SMYD2: variants seen among roughly 807,000 people sequenced by gnomAD.
SMYD2 encodes the protein N-lysine methyltransferase SMYD2.
Under a neutral mutation model 59.1 loss-of-function variants are expected in SMYD2, and 53 were observed. The ratio of observed to expected loss-of-function variants is 0.90; its 90% CI spans 0.72 to 1.13. SMYD2 has a LOEUF of 1.13. Among genes scored for constraint, SMYD2 ranks in the 50% most tolerant of loss-of-function variants. SMYD2 has a pLI of 0.00. For missense variants in SMYD2, 494 were observed against 544.7 expected (o/e 0.91, Z 0.93); for synonymous variants, 208 against 198.8 (o/e 1.05, Z -0.39).
chr1:214,300,562 T>C (rs917212422), intron 1 of SMYD2, among the ~76,000 whole-genome samples: 2 of 152,176 alleles, frequency 1.3e-5, no homozygotes, highest in Admixed American at 6.5e-5. Context: ...GCCGGGGCAT[T>C]ATGCAGACCA....
chr1:214,319,038 C>A, intron 5 of SMYD2, 55 bp downstream of exon 5: 2 of 1,591,094 alleles, frequency 1.3e-6, no homozygotes, highest in East Asian at 2.2e-5. Context: ...CTCCAAGGCC[C>A]TCTCCCTAGC....
intron 1 of SMYD2, among the ~76,000 whole-genome samples, chr1:214,293,131 C>A (rs1388546834): frequency 2.6e-5 from 4 of 151,888 alleles, no homozygotes; most frequent in African/African-American, 9.7e-5. Context: ...CTGCTCATTG[C>A]AACCTCCGCC....
chr1:214,295,690 C>G (rs537959502), intron 1 of SMYD2, among the ~76,000 whole-genome samples: 1 of 152,198 alleles, frequency 6.6e-6, no homozygotes, highest in Non-Finnish European at 1.5e-5. Context: ...AGAAGCCCCC[C>G]GCTGCACGTG....
chr1:214,328,065 ATTATCT>A (rs991968476), intron 7 of SMYD2, among the ~76,000 whole-genome samples: 1 of 152,160 alleles, frequency 6.6e-6, no homozygotes, highest in Admixed American at 6.6e-5. Context: ...CAAACTTTTG[ATTATCT>A]TTAGAGTCTC....
intron 3 of SMYD2, among the ~76,000 whole-genome samples, chr1:214,316,615 G>A (rs1187302219): frequency 1.3e-5 from 2 of 152,090 alleles, no homozygotes; most frequent in Non-Finnish European, 2.9e-5. Context: ...TGATTAGCAT[G>A]TATCTGTCCC....
chr1:214,304,737 A>G (rs1335095675), intron 1 of SMYD2, among the ~76,000 whole-genome samples: 1 of 152,172 alleles, frequency 6.6e-6, no homozygotes, highest in Non-Finnish European at 1.5e-5. Context: ...GAGTAGGTGC[A>G]CCCCAACACT....
At position 214,286,709 on chromosome 1, in the gene SMYD2, A is replaced by G. The variant is rs540732652; in HGVS notation, c.173+5282A>G. On this transcript the variant is annotated intron_variant, in intron 1 of 11. Transcript: ENST00000366957. ...TAGGAACCCAGGAGGCAGAGGTTGC[A>G]GTGAGCTGAGATCACGCCACTGCAC... Among the ~76,000 whole-genome samples the G allele has an allele frequency of 4.4e-5, 6 of 136,270 alleles. No homozygotes were observed. In the South Asian group the frequency reaches 1.5e-3, roughly 35 times the overall value. The allele number at this position is 136,270 out of a possible 152,430, so 89.4% of individuals were successfully genotyped here. A position where few individuals can be genotyped will look rare whatever the true frequency, so the allele number is the denominator to read the frequency against.
At chr1:214,283,012 C>A (rs1656473845) in intron 1 of SMYD2, among the ~76,000 whole-genome samples, 1 of 152,148 alleles carries the variant, frequency 6.6e-6, no homozygotes, top group African/African-American at 2.4e-5. Flanking sequence ...TTCCTGGAAG[C>A]CATCGCCTAA....
At chr1:214,320,676 C>G (rs1187697233) in intron 5 of SMYD2, among the ~76,000 whole-genome samples, 1 of 152,156 alleles carries the variant, frequency 6.6e-6, no homozygotes, top group Non-Finnish European at 1.5e-5. Context: ...CAGCTTCCCC[C>G]CAACTGTGAA....
intron 5 of SMYD2, among the ~76,000 whole-genome samples, chr1:214,320,643 T>C (rs1199174262): frequency 1.3e-5 from 2 of 151,836 alleles, no homozygotes; most frequent in African/African-American, 4.9e-5. Flanking sequence ...AAAAAGTGAG[T>C]CATTCATCAC....
chr1:214,309,597 C>T (rs944788715), intron 2 of SMYD2, among the ~76,000 whole-genome samples: 1 of 152,000 alleles, frequency 6.6e-6, no homozygotes, highest in Non-Finnish European at 1.5e-5. Flanking sequence ...AAATAGTAGG[C>T]CCTTATCATT....
chr1:214,336,554 T>C, intron 11 of SMYD2, 150 bp from the exon 12 acceptor site: 1 of 558,668 alleles, frequency 1.8e-6, no homozygotes, highest in East Asian at 3.2e-5. Context: ...TAAATTAAAA[T>C]AAAAACAGGT....
intron 7 of SMYD2, 35 bp downstream of exon 7, chr1:214,327,759 G>C (rs1305240219): frequency 1.3e-6 from 2 of 1,546,896 alleles, no homozygotes; most frequent in Admixed American, 3.3e-5. Context: ...GCAGCAGGGG[G>C]CTTGAGACTG....
chr1:214,329,080 G>A (rs1657308967), intron 7 of SMYD2, among the ~76,000 whole-genome samples: 1 of 152,228 alleles, frequency 6.6e-6, no homozygotes, highest in African/African-American at 2.4e-5. Flanking sequence ...GGCTCTTGTG[G>A]TGTGAGGCAG....
Position 214,331,004 on chromosome 1 carries a change from A to T in SMYD2, c.871A>T (p.Ile291Phe). The T allele has an allele frequency of 6.2e-7, 1 of 1,614,244 alleles. No individual in the cohort carries two copies. Among genetic ancestry groups the T allele is most frequent in the Non-Finnish European group, 8.5e-7 (1 of 1,180,048 alleles). ...KLSDPPKAEA[I>F]RDMVRYARNV... is the part of the protein sequence containing the mutation. ...CAGCGATCCCCCAAAGGCAGAAGCCATCCGAGACATGGTCAGATATGCACG... is the reference window on the plus strand; with the variant it reads ...CAGCGATCCCCCAAAGGCAGAAGCCTTCCGAGACATGGTCAGATATGCACG... The change falls in exon 9 of 12, where the codon ATC (isoleucine) becomes TTC (phenylalanine). Residue 291 changes from isoleucine to phenylalanine, a missense_variant. Transcript: ENST00000366957.
At chr1:214,314,049 C>T (rs1301636159) in intron 2 of SMYD2, among the ~76,000 whole-genome samples, 1 of 152,076 alleles carries the variant, frequency 6.6e-6, no homozygotes, top group Non-Finnish European at 1.5e-5. Flanking sequence ...TAGTGGCACA[C>T]ACCTGTAATC....
At chr1:214,332,287 T>G in intron 10 of SMYD2, 95 bp downstream of exon 10, 12 of 1,432,490 alleles carry the variant, frequency 8.4e-6, no homozygotes, top group Non-Finnish European at 1.1e-5. Flanking sequence ...TGCTGAGACT[T>G]GCCTAGCGCA....
chr1:214,304,882 A>C (rs570990321), intron 1 of SMYD2, among the ~76,000 whole-genome samples: 149 of 152,340 alleles, frequency 9.8e-4, no homozygotes, highest in African/African-American at 3.5e-3. Context: ...GATGATGTTC[A>C]TAGCCTTGGT....
chr1:214,324,587 C>T (rs1220542835), intron 5 of SMYD2, 54 bp from the exon 6 acceptor site: 2 of 1,461,348 alleles, frequency 1.4e-6, no homozygotes, highest in South Asian at 2.4e-5. Flanking sequence ...ATGATCTCTA[C>T]CCAGAAAGAA....
Sources: gnomAD v4.1 joint callset for allele counts (sites outside exome capture counted in the v4.1 genomes callset) on GRCh38, gnomAD v4.1.1 for gene constraint, MANE v1.5 for transcripts, NCBI Gene and HGNC (gene_info 2026-07-23, HGNC 2026-07-21) for gene names.